The following CYP26C1 variants were observed in gnomAD, a reference collection of about 807,000 sequenced individuals.
The protein encoded by CYP26C1 is cytochrome P450 26C1.
CYP26C1 carries 41 observed loss-of-function variants against 39.1 expected under a neutral mutation model. The observed-to-expected ratio is 1.05, with a 90% CI of 0.82 to 1.36. The LOEUF is 1.36. Among genes scored for constraint, CYP26C1 ranks in the 40% most tolerant of loss-of-function variants. The pLI, the probability that CYP26C1 is intolerant of heterozygous loss-of-function variation, is 0.00. For synonymous variants in CYP26C1, 362 were observed against 350.8 expected, an observed-to-expected ratio of 1.03 and a Z score of -0.36; for missense variants, 833 against 752.0, an observed-to-expected ratio of 1.11 and a Z score of -1.26.
Position 93,068,603 on chromosome 10 carries a change from T to A in CYP26C1, c.1475T>A (p.Met492Lys). The change falls in exon 6 of 6, where the codon ATG becomes AAG. Residue 492 changes from methionine to lysine, a missense_variant. By Grantham distance (95) the Met-to-Lys change is moderately conservative (BLOSUM62 -1). Transcript: ENST00000651965. ...CTGGCCACACCCGCCTTCCCCGCCA[T>A]GCAGACGGTGCCCATCGTGCACCCA... The part of the protein sequence containing the change: ...WELATPAFPA[M>K]QTVPIVHPVD... The A allele has an allele frequency of 1.2e-6, 2 of 1,600,384 alleles. No homozygotes were observed. Among genetic ancestry groups the A allele is most frequent in the Non-Finnish European group, 1.7e-6 (2 of 1,174,384 alleles).
Position 93,061,452 on chromosome 10 carries a change from G to T in CYP26C1, c.189G>T (p.Leu63=). Residue 63 remains leucine, a synonymous_variant, in exon 1 of 6, where the codon CTG becomes CTT. Coordinates refer to ENST00000651965, the MANE Select transcript of CYP26C1 (RefSeq NM_183374.3). ...SMGWPFFGET[L]HWLVQGSRFH... ...GGTGGCCCTTCTTCGGCGAAACGCT[G>T]CACTGGTTAGTTCAGGTGAGCAGTC... 1 of 1,551,482 alleles carries T rather than the reference G, an allele frequency of 6.4e-7. No individual in the cohort carries two copies. The highest frequency in any genetic ancestry group is 1.9e-4 in the Middle Eastern group (1 of 5,202).
At chr10:93,061,916 A>G in intron 1 of CYP26C1, 94 bp from the exon 2 acceptor site, 1 of 1,279,512 alleles carries the variant, frequency 7.8e-7, no homozygotes, top group Non-Finnish European at 1.1e-6. Flanking sequence ...AGCCAGGGAC[A>G]GGAAGTTGTG....
intron 4 of CYP26C1, 130 bp from the exon 5 acceptor site, chr10:93,065,826 A>G: frequency 1.2e-6 from 1 of 832,918 alleles, no homozygotes; most frequent in Non-Finnish European, 1.7e-6. Context: ...CGGCGGTAAT[A>G]GCACTTCCCT....
Position 93,066,293 on chromosome 10 carries a change from C to T in CYP26C1, c.1191+8C>T, listed in dbSNP as rs778541998. 64 of 1,359,454 alleles carry T rather than the reference C, an allele frequency of 4.7e-5. No homozygotes were observed. The highest frequency in any genetic ancestry group is 5.9e-5 in the Non-Finnish European group (62 of 1,055,254). The allele number at this position is 1,359,454 out of a possible 1,614,324, so 84.2% of individuals were successfully genotyped here. On this transcript the variant is annotated splice_region_variant and intron_variant, in intron 5 of 5. Coordinates refer to ENST00000651965, the MANE Select transcript of CYP26C1 (RefSeq NM_183374.3). ...CGCACCTTCGAGCTCGACGTAAGTG[C>T]GCCGTGCCAGCCCATGGCCAGCCTC... is the stretch of plus-strand genomic sequence containing the variant.
In CYP26C1 at chr10:93,068,418, A is replaced by G; in HGVS notation, c.1290A>G (p.Pro430=). The change falls in exon 6 of 6, where the codon CCA becomes CCG. Residue 430 remains proline (P), a synonymous_variant. Transcript: ENST00000651965. ...GCAGCCCTCCCGAAGGCTTCGATCC[A>G]GAGCGCTTCGGCGCAGCGCGCGAAG... ...VYRSPPEGFD[P]ERFGAAREDS... 1.2e-6 allele frequency: 2 copies of G among 1,612,086 alleles called. No individual in the cohort carries two copies. The highest frequency in any genetic ancestry group is 1.7e-6 in the Non-Finnish European group (2 of 1,179,552).
Position 93,066,271 on chromosome 10 carries a change from A to G in CYP26C1, c.1177A>G (p.Thr393Ala), listed in dbSNP as rs201340915. ...CGGGGGCTACCGCACCGCCCTGCGCACCTTCGAGCTCGACGTAAGTGCGCC... is the reference window on the plus strand; with the variant it reads ...CGGGGGCTACCGCACCGCCCTGCGCGCCTTCGAGCTCGACGTAAGTGCGCC... Reference protein sequence around the residue: ...VSGGYRTALRTFELDGYQIPK... With the variant: ...VSGGYRTALRAFELDGYQIPK... The change falls in exon 5 of 6, where the codon ACC (threonine) becomes GCC (alanine). Residue 393 changes from threonine (T) to alanine (A), a missense_variant. Coordinates refer to ENST00000651965, the MANE Select transcript of CYP26C1 (RefSeq NM_183374.3). The G allele has an allele frequency of 2.4e-4, 338 of 1,416,892 alleles. No individual in the cohort carries two copies. The highest frequency in any genetic ancestry group is 7.4e-5 in the Non-Finnish European group (80 of 1,085,652). 87.8% of individuals were successfully genotyped at this position (1,416,892 alleles called of 1,614,324 possible).
intron 4 of CYP26C1, among the ~76,000 whole-genome samples, chr10:93,065,566 C>T (rs764719212): frequency 7.9e-5 from 12 of 152,204 alleles, no homozygotes; most frequent in Non-Finnish European, 2.9e-5. Flanking sequence ...ACCTTGAGCA[C>T]TACTCTGGAG....
In CYP26C1 at chr10:93,061,307, C is replaced by T. The variant is rs761068228; in HGVS notation, c.44C>T (p.Ala15Val). 13 of 1,595,894 alleles carry T rather than the reference C, an allele frequency of 8.1e-6. No individual in the cohort carries two copies. In the South Asian group the frequency reaches 1.5e-4, roughly 18 times the overall value. ...GLSCLSVLGA[A>V]GTALLCAGLL... ...AGCTGCCTGTCAGTGCTGGGGGCGG[C>T]GGGCACTGCTCTCCTGTGCGCGGGC... The change falls in exon 1 of 6, where the codon GCG becomes GTG. Residue 15 changes from alanine (A) to valine (V), a missense_variant. Ala to Val is a moderately conservative substitution (Grantham distance 64). Coordinates refer to ENST00000651965, the MANE Select transcript of CYP26C1 (RefSeq NM_183374.3).
At chr10:93,063,496 G>T (rs1846778765) in intron 3 of CYP26C1, 1 of 986,530 alleles carries the variant, frequency 1.0e-6, no homozygotes. Context: ...CTAGGTTTCG[G>T]GATCAGAGAA....
Position 93,064,387 on chromosome 10 carries a change from C to T in CYP26C1, c.712C>T (p.Arg238Trp), listed in dbSNP as rs562063796. 3.5e-5 allele frequency: 57 copies of T among 1,613,136 alleles called. 1 individual carries two copies. The East Asian group carries it at 7.8e-4, about 22-fold the overall frequency. ...TTCTCTCCCTGAACATCAGGGCATC[C>T]GGGCAAGGGACCAGCTGCATCGGCA... ...VPFSGLRKGI[R>W]ARDQLHRHLE... Residue 238 changes from arginine to tryptophan, a missense_variant, in exon 4 of 6, where the codon CGG (arginine) becomes TGG (tryptophan). Arg to Trp is a moderately radical substitution (Grantham distance 101). Coordinates refer to ENST00000651965, the MANE Select transcript of CYP26C1 (RefSeq NM_183374.3).
chr10:93,066,383 G>A, intron 5 of CYP26C1, 98 bp downstream of exon 5: 6 of 1,170,902 alleles, frequency 5.1e-6, no homozygotes, highest in Non-Finnish European at 6.4e-6. Flanking sequence ...GTGGGAGGAG[G>A]GCGGAGGGAT....
intron 2 of CYP26C1, among the ~76,000 whole-genome samples, chr10:93,062,469 G>A (rs1846764225): frequency 1.3e-5 from 2 of 152,226 alleles, no homozygotes; most frequent in Admixed American, 1.3e-4. Context: ...CAGAAGCGCT[G>A]GAGACTCAGA....
chr10:93,068,929 T>G lies in CYP26C1; in HGVS notation c.*232T>G. 1.6e-6 allele frequency: 1 copy of G among 634,374 alleles called. No individual in the cohort carries two copies. The allele number at this position is 634,374 out of a possible 1,614,324, so 39.3% of individuals were successfully genotyped here. A position where few individuals can be genotyped will look rare whatever the true frequency, so the allele number is the denominator to read the frequency against. ...GCCCATGGGAAGATGCCTTCTGCGC[T>G]CCGCGCCCAGAGGAAGGAAAATGTC... On this transcript the variant is annotated 3_prime_UTR_variant, in exon 6 of 6. Transcript: ENST00000651965.
intron 3 of CYP26C1, chr10:93,063,416 G>A: frequency 1.1e-5 from 11 of 996,078 alleles, no homozygotes; most frequent in Non-Finnish European, 1.3e-5. Context: ...CTGCAGATGA[G>A]CCCCGGTCCA....
In CYP26C1 at chr10:93,066,164, A is replaced by T; in HGVS notation, c.1070A>T (p.Asp357Val). Residue 357 changes from aspartate (D) to valine (V), a missense_variant, in exon 5 of 6, where the codon GAC (aspartate) becomes GTC (valine). By Grantham distance (152) the Asp-to-Val change is radical. Transcript: ENST00000651965. ...CCGCCCGACTGCGGCTGCGAGCCCG[A>T]CCTCAGCCTCGCGGCGCTGGGCCGT... ...GPPPDCGCEP[D>V]LSLAALGRLR... 7.0e-7 allele frequency: 1 copy of T among 1,426,644 alleles called. No homozygotes were observed. The highest frequency in any genetic ancestry group is 9.2e-7 in the Non-Finnish European group (1 of 1,090,028). 88.4% of individuals were successfully genotyped at this position (1,426,644 alleles called of 1,614,324 possible).
Position 93,068,851 on chromosome 10 carries a change from A to G in CYP26C1, c.*154A>G. On this transcript the variant is annotated 3_prime_UTR_variant, in exon 6 of 6. Transcript: ENST00000651965. ...TTCGCCAAACGCGGATGTGTGCCGG[A>G]CTCGAGGAAGGAGGAGGGCGAGCCA... 7.6e-7 allele frequency: 1 copy of G among 1,310,582 alleles called. No individual in the cohort carries two copies. Among genetic ancestry groups the G allele is most frequent in the Non-Finnish European group, 9.9e-7 (1 of 1,006,132 alleles). 81.2% of individuals were successfully genotyped at this position (1,310,582 alleles called of 1,614,324 possible). A position where few individuals can be genotyped will look rare whatever the true frequency, so the allele number is the denominator to read the frequency against.
chr10:93,064,406 A>G lies in CYP26C1; in HGVS notation c.731A>G (p.His244Arg). 2 of 1,614,074 alleles carry G rather than the reference A, an allele frequency of 1.2e-6. No individual in the cohort carries two copies. The highest frequency in any genetic ancestry group is 1.7e-6 in the Non-Finnish European group (2 of 1,179,992). The change falls in exon 4 of 6, where the codon CAT (histidine) becomes CGT (arginine). Residue 244 changes from histidine (H) to arginine (R), a missense_variant. Transcript: ENST00000651965. ...RKGIRARDQLHRHLEGAISEK... is the reference protein window; with the variant it reads ...RKGIRARDQLRRHLEGAISEK... The stretch of plus-strand genomic sequence containing the variant: ...GGCATCCGGGCAAGGGACCAGCTGC[A>G]TCGGCACCTGGAGGGGGCCATTTCT...
Position 93,062,001 on chromosome 10 carries a change from C to T in CYP26C1, c.205-9C>T, listed in dbSNP as rs770227183. ...AGTTCCAGCTCTCCACCCTCCGCCT[C>T]GCCCGCAGGGCTCGCGCTTCCACAG... On this transcript the variant is annotated splice_polypyrimidine_tract_variant and intron_variant, in intron 1 of 5. Transcript: ENST00000651965. 3.9e-6 allele frequency: 6 copies of T among 1,553,868 alleles called. No individual in the cohort carries two copies. The African/African-American group carries it at 5.4e-5, about 14-fold the overall frequency.
intron 5 of CYP26C1, 134 bp from the exon 6 acceptor site, chr10:93,068,186 C>T (rs1671793004): frequency 8.8e-7 from 1 of 1,135,216 alleles, no homozygotes; most frequent in Middle Eastern, 2.6e-4. Context: ...GAGCTTTCTC[C>T]TGGTTTCCGG....
Sources: gnomAD v4.1 joint callset for allele counts (sites outside exome capture counted in the v4.1 genomes callset) on GRCh38, gnomAD v4.1.1 for gene constraint, MANE v1.5 for transcripts, NCBI Gene and HGNC (gene_info 2026-07-23, HGNC 2026-07-21) for gene names.